Variants in PRDM16 observed in about 807,000 individuals in gnomAD.
The protein encoded by PRDM16 is PR/SET domain 16.
Under a neutral mutation model 110.6 loss-of-function variants are expected in PRDM16, and 23 were observed. The observed-to-expected ratio is 0.21, with a 90% CI of 0.15 to 0.29. PRDM16 has a LOEUF of 0.29. Ranked by LOEUF, PRDM16 falls within the 10% of genes least tolerant of loss-of-function variation. PRDM16 has a pLI of 1.00. For missense variants in PRDM16, 1,615 were observed against 1,794.3 expected (o/e 0.90, Z 1.81); for synonymous variants, 799 against 781.8 (o/e 1.02, Z -0.37).
intron 2 of PRDM16, among the ~76,000 whole-genome samples, chr1:3,229,226 G>A (rs1639355365): frequency 6.6e-6 from 1 of 152,140 alleles, no homozygotes; most frequent in African/African-American, 2.4e-5. Flanking sequence ...TTCCCCCAGG[G>A]CCATCGTTAC....
chr1:3,218,240 G>A lies in PRDM16; in HGVS notation c.388-25847G>A, dbSNP rs149324674. ...GGTTCGTACTTCTCCTCTCTCATGG[G>A]GGTCCCCCAAAGCCTTTCATTCCGG... On this transcript the variant is annotated intron_variant, in intron 2 of 16. Coordinates refer to ENST00000270722, the MANE Select transcript of PRDM16 (RefSeq NM_022114.4). Among the ~76,000 whole-genome samples the A allele has an allele frequency of 9.6e-4, 146 of 152,348 alleles. 1 individual carries two copies. The highest frequency in any genetic ancestry group is 3.1e-3 in the African/African-American group (128 of 41,586).
chr1:3,225,013 C>T lies in PRDM16; in HGVS notation c.388-19074C>T, dbSNP rs545367992. 3.3e-5 allele frequency among the ~76,000 whole-genome samples: 5 copies of T among 152,358 alleles called. No homozygotes were observed. In the South Asian group the frequency reaches 6.2e-4, roughly 19 times the overall value. ...AAGGGCATCACCTTCCCATTTGTTG[C>T]GTTCCTCCTGAGGTGGGGGCGAGGA... On this transcript the variant is annotated intron_variant, in intron 2 of 16. Coordinates refer to ENST00000270722, the MANE Select transcript of PRDM16 (RefSeq NM_022114.4).
At chr1:3,431,943 C>G in intron 15 of PRDM16, 23 bp from the exon 16 acceptor site, 1 of 1,604,894 alleles carries the variant, frequency 6.2e-7, no homozygotes, top group Non-Finnish European at 8.5e-7. Flanking sequence ...GCAGGCCTTC[C>G]CTCTCCCCGG....
intron 3 of PRDM16, among the ~76,000 whole-genome samples, chr1:3,289,282 C>G (rs1204502436): frequency 6.6e-6 from 1 of 152,210 alleles, no homozygotes; most frequent in East Asian, 1.9e-4. Flanking sequence ...CCCAGAGATT[C>G]CTGGGTGCGC....
chr1:3,429,547 T>C (rs1305167831), intron 14 of PRDM16, among the ~76,000 whole-genome samples: 4 of 152,290 alleles, frequency 2.6e-5, no homozygotes, highest in Admixed American at 1.3e-4. Context: ...GGGTATGTCC[T>C]CGTGTCATCG....
At chr1:3,094,535 GCC>G (rs1426954211) in intron 1 of PRDM16, among the ~76,000 whole-genome samples, 2 of 152,196 alleles carry the variant, frequency 1.3e-5, no homozygotes, top group African/African-American at 4.8e-5. Context: ...GCCCTTCTAA[GCC>G]CCCAGCAGGT....
chr1:3,128,297 T>C (rs561575582), intron 1 of PRDM16, among the ~76,000 whole-genome samples: 36 of 149,454 alleles, frequency 2.4e-4, no homozygotes, highest in African/African-American at 8.9e-4. Flanking sequence ...CAACACTGGG[T>C]GCCTTGTCCT....
Position 3,425,384 on chromosome 1 carries a change from G to T in PRDM16, c.2940-197G>T. On this transcript the variant is annotated intron_variant, in intron 12 of 16. Coordinates refer to ENST00000270722, the MANE Select transcript of PRDM16 (RefSeq NM_022114.4). This position sits in a 1 kb window ranked among gnomAD's most constrained non-coding sequence, Gnocchi z 6.9. ...TGAACCCCTGCTTCTTGAAGCCGGGGCTGTTTCTAGGGACAGCTTCCCCAG... is the reference window on the plus strand; with the variant it reads ...TGAACCCCTGCTTCTTGAAGCCGGGTCTGTTTCTAGGGACAGCTTCCCCAG... 3.5e-6 allele frequency: 2 copies of T among 564,986 alleles called. No individual in the cohort carries two copies. The highest frequency in any genetic ancestry group is 6.2e-6 in the Non-Finnish European group (2 of 321,138). The allele number at this position is 564,986 out of a possible 1,614,324, so 35.0% of individuals were successfully genotyped here.
At chr1:3,362,744 C>T (rs1642739767) in intron 3 of PRDM16, among the ~76,000 whole-genome samples, 1 of 152,172 alleles carries the variant, frequency 6.6e-6, no homozygotes, top group Non-Finnish European at 1.5e-5. Context: ...GGCCGGGTCT[C>T]CTCACAACCT....
chr1:3,394,627 C>T (rs1029869454), intron 4 of PRDM16: 31 of 331,318 alleles, frequency 9.4e-5, no homozygotes, highest in African/African-American at 6.6e-4. Flanking sequence ...GCCCAGGGCC[C>T]GGGCCAGGCC....
chr1:3,229,656 C>T (rs1282955914), intron 2 of PRDM16, among the ~76,000 whole-genome samples: 2 of 152,210 alleles, frequency 1.3e-5, no homozygotes, highest in Non-Finnish European at 2.9e-5. Context: ...GGTCACTGAA[C>T]CTGCTGTCCG....
In PRDM16 at chr1:3,411,766, C is replaced by T. The variant is rs1357380205; in HGVS notation, c.1569C>T (p.Tyr523=). The T allele has an allele frequency of 5.0e-6, 8 of 1,611,390 alleles. No individual in the cohort carries two copies. Among genetic ancestry groups the T allele is most frequent in the South Asian group, 1.1e-5 (1 of 90,932 alleles). The change falls in exon 9 of 17, where the codon TAC becomes TAT. Residue 523 remains tyrosine (Y), a synonymous_variant. Coordinates refer to ENST00000270722, the MANE Select transcript of PRDM16 (RefSeq NM_022114.4). ...GFPGIFPPSL[Y]PRPPLLPPTS... ...CGGGCATCTTCCCTCCATCCTTGTA[C>T]CCCCGGCCGCCTCTGCTACCTCCCA...
rs568507963 is a variant in PRDM16, at chr1:3,355,471, G to A, written c.439-29681G>A. ...TTGAACTAAACAGTCCCTACTGGTT[G>A]GTGCCACCCTGGGGAGCTAGGTCTC... On this transcript the variant is annotated intron_variant, in intron 3 of 16. Transcript: ENST00000270722. 4.9e-4 allele frequency among the ~76,000 whole-genome samples: 74 copies of A among 152,322 alleles called. No homozygotes were observed. In the Middle Eastern group the frequency reaches 0.01, roughly 21 times the overall value.
chr1:3,413,256 C>T (rs191745432), intron 9 of PRDM16, among the ~76,000 whole-genome samples: 9 of 151,816 alleles, frequency 5.9e-5, no homozygotes, highest in East Asian at 3.9e-4. Context: ...CCTCCTGGTG[C>T]GCTCCTGCCC....
chr1:3,216,852 A>G (rs1569862180), intron 2 of PRDM16, among the ~76,000 whole-genome samples: 1 of 152,230 alleles, frequency 6.6e-6, no homozygotes, highest in Non-Finnish European at 1.5e-5. Context: ...CGTGACTGCC[A>G]TAGAGTTCAG....
chr1:3,086,709 C>T (rs1343907311), intron 1 of PRDM16, among the ~76,000 whole-genome samples: 2 of 152,208 alleles, frequency 1.3e-5, no homozygotes, highest in African/African-American at 4.8e-5. Flanking sequence ...TCCCAAGTTA[C>T]TCCGCTGCTT....
At position 3,181,704 on chromosome 1, in the gene PRDM16, GGTCTTA is replaced by G. The variant is rs1557510122; in HGVS notation, c.38-4420_38-4415del. Among the ~76,000 whole-genome samples the G allele has an allele frequency of 1.2e-3, 72 of 60,962 alleles. 2 individuals carry two copies. Among genetic ancestry groups the G allele is most frequent in the East Asian group, 3.4e-3 (5 of 1,466 alleles). 40.0% of individuals were successfully genotyped at this position (60,962 alleles called of 152,430 possible). A position where few individuals can be genotyped will look rare whatever the true frequency, so the allele number is the denominator to read the frequency against. On this transcript the variant is annotated intron_variant, in intron 1 of 16. Coordinates refer to ENST00000270722, the MANE Select transcript of PRDM16 (RefSeq NM_022114.4). ...CAGTCTTACACACGGTCTTACACAC[GGTCTTA>G]CACACGCAGTCTTACACACGGTCTT...
chr1:3,127,378 G>A (rs1010873061), intron 1 of PRDM16, among the ~76,000 whole-genome samples: 2 of 152,176 alleles, frequency 1.3e-5, no homozygotes, highest in African/African-American at 4.8e-5. Flanking sequence ...ATCTTACCCA[G>A]ACGATGCCCT....
intron 1 of PRDM16, among the ~76,000 whole-genome samples, chr1:3,127,281 G>A (rs1643228441): frequency 6.6e-6 from 1 of 152,248 alleles, no homozygotes; most frequent in South Asian, 2.1e-4. Context: ...TATTTAAAAT[G>A]CATAACGGCG....
Sources: allele counts gnomAD v4.1 joint callset (sites outside exome capture counted in the v4.1 genomes callset), GRCh38; gene constraint gnomAD v4.1.1; non-coding constraint Gnocchi (gnomAD v3.1); transcripts MANE v1.5; gene names NCBI Gene and HGNC (gene_info 2026-07-23, HGNC 2026-07-21).